Variants in WDR72 observed in about 807,000 individuals in gnomAD.
WDR72 encodes WD repeat-containing protein 72.
In WDR72, 120 loss-of-function variants were observed where a neutral mutation model predicts 124.2. The ratio of observed to expected loss-of-function variants is 0.97; its 90% CI spans 0.83 to 1.12. The LOEUF is 1.12. WDR72 is among the 50% of genes most tolerant of loss of function. WDR72 has a pLI of 0.00. For missense variants in WDR72, 1,387 were observed against 1,278.8 expected (o/e 1.08, Z -1.29); for synonymous variants, 452 against 441.7 (o/e 1.02, Z -0.29).
In WDR72 at chr15:53,518,730, T is replaced by C. The variant is rs1324000185; in HGVS notation, c.3254-976A>G. Among the ~76,000 whole-genome samples, 4 of 151,828 alleles carry C rather than the reference T, an allele frequency of 2.6e-5. No individual in the cohort carries two copies. In the East Asian group the frequency reaches 7.7e-4, roughly 29 times the overall value. The stretch of plus-strand genomic sequence containing the variant: ...ATCTGTCCTACTTTCTGTTACCTGA[T>C]TTTTGCTGGTGATTCATGAGCCAGA... On this transcript the variant is annotated intron_variant, in intron 19 of 19. Coordinates refer to ENST00000360509, the MANE Select transcript of WDR72 (RefSeq NM_182758.4).
chr15:53,619,490 T>A (rs1177873463), intron 14 of WDR72, among the ~76,000 whole-genome samples: 2 of 152,032 alleles, frequency 1.3e-5, no homozygotes, highest in East Asian at 3.9e-4. Context: ...TATTAATACT[T>A]AAGCAAAAGT....
chr15:53,727,648 A>C (rs75243279), intron 2 of WDR72, among the ~76,000 whole-genome samples: 1,960 of 152,266 alleles, frequency 0.013, 44 homozygotes, highest in African/African-American at 0.045. Flanking sequence ...ATCCCTTTCC[A>C]GTCTATTAGA....
rs1891332366 is a variant in WDR72, at chr15:53,514,570, T to C, written c.*3129A>G. 1 of 152,160 alleles carries C rather than the reference T, an allele frequency of 6.6e-6. No homozygotes were observed. Among genetic ancestry groups the C allele is most frequent in the Non-Finnish European group, 1.5e-5 (1 of 68,032 alleles). 9.4% of individuals were successfully genotyped at this position (152,160 alleles called of 1,614,324 possible). ...AAATAAAAGTCACCAAATGCTATCA[T>C]CTAAAGATAGAATATTAATATTTAA... is the stretch of plus-strand genomic sequence containing the variant. On this transcript the variant is annotated 3_prime_UTR_variant, in exon 20 of 20. Coordinates refer to ENST00000360509, the MANE Select transcript of WDR72 (RefSeq NM_182758.4).
intron 14 of WDR72, among the ~76,000 whole-genome samples, chr15:53,657,680 T>A (rs1306826523): frequency 6.6e-6 from 1 of 152,174 alleles, no homozygotes; most frequent in Non-Finnish European, 1.5e-5. Flanking sequence ...CTAAGTTTAG[T>A]ACTAAATAAA....
chr15:53,730,403 G>T (rs917824270), intron 2 of WDR72, among the ~76,000 whole-genome samples: 1 of 152,170 alleles, frequency 6.6e-6, no homozygotes, highest in Non-Finnish European at 1.5e-5. Context: ...AAACTTGGAG[G>T]AGGGATTTGT....
chr15:53,714,233 A>G (rs188818603), intron 6 of WDR72, among the ~76,000 whole-genome samples: 3 of 152,148 alleles, frequency 2.0e-5, no homozygotes, highest in Admixed American at 2.0e-4. Flanking sequence ...ATACATGGAG[A>G]AAAGGTTGGA....
At chr15:53,698,351 A>G (rs150689715) in intron 13 of WDR72, among the ~76,000 whole-genome samples, 101 of 152,270 alleles carry the variant, frequency 6.6e-4, no homozygotes, top group African/African-American at 2.0e-3. Flanking sequence ...TGAAAATGCA[A>G]TTGGGCACAT....
intron 14 of WDR72, among the ~76,000 whole-genome samples, chr15:53,623,723 C>T (rs990583677): frequency 2.0e-5 from 3 of 152,150 alleles, no homozygotes; most frequent in African/African-American, 7.2e-5. Flanking sequence ...AATCTCCACA[C>T]TGCCTTCCAC....
At chr15:53,604,040 A>G (rs2013164404) in intron 17 of WDR72, among the ~76,000 whole-genome samples, 1 of 152,234 alleles carries the variant, frequency 6.6e-6, no homozygotes, top group Non-Finnish European at 1.5e-5. Context: ...CTAAGCAAAA[A>G]GAACAAAGTT....
At chr15:53,702,549 G>T (rs2017216517) in intron 11 of WDR72, among the ~76,000 whole-genome samples, 195 bp from the exon 12 acceptor site, 1 of 152,184 alleles carries the variant, frequency 6.6e-6, no homozygotes, top group Non-Finnish European at 1.5e-5. Context: ...GTATGCTTTT[G>T]ATGAAGCACT....
chr15:53,674,970 A>C (rs1461287178), intron 13 of WDR72, among the ~76,000 whole-genome samples: 1 of 152,186 alleles, frequency 6.6e-6, no homozygotes, highest in Non-Finnish European at 1.5e-5. Context: ...AAACACCTGG[A>C]GGTTTAAAGT....
chr15:53,549,573 A>G (rs766770016), intron 18 of WDR72, among the ~76,000 whole-genome samples: 3 of 152,192 alleles, frequency 2.0e-5, no homozygotes, highest in African/African-American at 4.8e-5. Context: ...GTAAAAATGG[A>G]CCTGCTTCAA....
intron 14 of WDR72, among the ~76,000 whole-genome samples, chr15:53,662,457 C>T (rs916081960): frequency 4.6e-5 from 7 of 152,092 alleles, no homozygotes; most frequent in African/African-American, 1.2e-4. Flanking sequence ...CAAAAAGCTC[C>T]GCTGCTAGTC....
intron 14 of WDR72, among the ~76,000 whole-genome samples, chr15:53,626,709 T>A (rs997222320): frequency 1.3e-5 from 2 of 152,190 alleles, no homozygotes; most frequent in African/African-American, 4.8e-5. Context: ...TGTTGCCTAA[T>A]TAGCATTTTA....
rs2017335798 is a variant in WDR72 at position 53,705,811 on chromosome 15, A to T, written c.1102+116T>A. On this transcript the variant is annotated intron_variant, in intron 10 of 19. Coordinates refer to ENST00000360509, the MANE Select transcript of WDR72 (RefSeq NM_182758.4). The stretch of plus-strand genomic sequence containing the variant: ...TTCATGTTGTCATTTAATACGTAGT[A>T]GTACACAATAAATTTTTCTTGTTTG... The T allele has an allele frequency of 2.6e-6, 3 of 1,167,694 alleles. No individual in the cohort carries two copies. In the South Asian group the frequency reaches 3.9e-5, roughly 15 times the overall value. 72.3% of individuals were successfully genotyped at this position (1,167,694 alleles called of 1,614,324 possible). A position where few individuals can be genotyped will look rare whatever the true frequency, so the allele number is the denominator to read the frequency against.
intron 13 of WDR72, among the ~76,000 whole-genome samples, chr15:53,683,016 C>A (rs1290176895): frequency 2.0e-5 from 3 of 152,176 alleles, no homozygotes; most frequent in Non-Finnish European, 4.4e-5. Flanking sequence ...GGATGCCTTA[C>A]ACAGTGGTAG....
In WDR72 at chr15:53,712,841, G is replaced by A. The variant is rs1389803020; in HGVS notation, c.642C>T (p.Asn214=). 5.0e-6 allele frequency: 8 copies of A among 1,613,798 alleles called. No homozygotes were observed. Among genetic ancestry groups the A allele is most frequent in the Non-Finnish European group, 6.8e-6 (8 of 1,179,840 alleles). Reference sequence around the variant, plus strand: ...ATGTGCAAAATCGAATTGTCTGGCAGTTCAAGGACTCAAGAAACTTGGATT... The same window carrying A: ...ATGTGCAAAATCGAATTGTCTGGCAATTCAAGGACTCAAGAAACTTGGATT... ...EKESKFLESL[N]CQTIRFCTYT... The change falls in exon 7 of 20, where the codon AAC becomes AAT. Residue 214 remains asparagine (N), a synonymous_variant. Transcript: ENST00000360509.
chr15:53,615,377 T>TA, intron 15 of WDR72, 49 bp downstream of exon 15: 1 of 1,411,484 alleles, frequency 7.1e-7, no homozygotes, highest in Non-Finnish European at 9.8e-7. Flanking sequence ...ATGATATATA[T>TA]TTTTAATGTC....
intron 14 of WDR72, among the ~76,000 whole-genome samples, chr15:53,657,130 G>T: frequency 6.6e-6 from 1 of 151,800 alleles, no homozygotes; most frequent in Non-Finnish European, 1.5e-5. Flanking sequence ...CGGTTGTGGT[G>T]GCATGCACTT....
Sources: allele counts gnomAD v4.1 joint callset (sites outside exome capture counted in the v4.1 genomes callset), GRCh38; gene constraint gnomAD v4.1.1; transcripts MANE v1.5; gene names NCBI Gene and HGNC (gene_info 2026-07-23, HGNC 2026-07-21).